Variants in ATP6V1C2 observed in about 807,000 individuals in gnomAD.
ATP6V1C2 encodes V-type proton ATPase subunit C 2.
Under a neutral mutation model 56.8 loss-of-function variants are expected in ATP6V1C2, and 45 were observed. That is an observed-to-expected ratio of 0.79 (90% CI 0.62 to 1.02). The LOEUF is 1.02. Among genes scored for constraint, ATP6V1C2 ranks in the 50% least tolerant of loss-of-function variants. ATP6V1C2 has a pLI of 0.00. For missense variants in ATP6V1C2, 463 were observed against 519.7 expected (o/e 0.89, Z 1.06); for synonymous variants, 220 against 201.3 (o/e 1.09, Z -0.79).
chr2:10,772,486 G>A, intron 7 of ATP6V1C2, 56 bp from the exon 8 acceptor site: 2 of 1,463,018 alleles, frequency 1.4e-6, no homozygotes, highest in Non-Finnish European at 1.9e-6. Flanking sequence ...TAGGCACTCA[G>A]GACACCCACG....
At chr2:10,735,465 G>T (rs910494151) in intron 3 of ATP6V1C2, among the ~76,000 whole-genome samples, 3 of 152,092 alleles carry the variant, frequency 2.0e-5, no homozygotes, top group African/African-American at 7.2e-5. Context: ...GAACTGCCAC[G>T]CCCAGCCTTA....
At chr2:10,740,461 C>A (rs567259603) in intron 3 of ATP6V1C2, among the ~76,000 whole-genome samples, 1 of 152,094 alleles carries the variant, frequency 6.6e-6, no homozygotes, top group African/African-American at 2.4e-5. Context: ...AACTCTGCTC[C>A]GAGAGCATGA....
intron 3 of ATP6V1C2, among the ~76,000 whole-genome samples, chr2:10,742,003 G>A (rs920552938): frequency 1.3e-5 from 2 of 151,838 alleles, no homozygotes; most frequent in Non-Finnish European, 1.5e-5. Context: ...CTCGCTTCCC[G>A]GGCTCAAGTG....
At chr2:10,722,040 C>G (rs1043105207) in intron 1 of ATP6V1C2, among the ~76,000 whole-genome samples, 1 of 152,214 alleles carries the variant, frequency 6.6e-6, no homozygotes. Flanking sequence ...CCAGGGGTCT[C>G]TGGCTCCTCA....
At chr2:10,770,869 C>T (rs112183993) in intron 6 of ATP6V1C2, among the ~76,000 whole-genome samples, 2,254 of 152,336 alleles carry the variant, frequency 0.015, 56 homozygotes, top group African/African-American at 0.052. Flanking sequence ...AGATATAAAG[C>T]AGAATACAAT....
chr2:10,778,658 G>C lies in ATP6V1C2; in HGVS notation c.1050G>C (p.Glu350Asp), dbSNP rs773072386. The C allele has an allele frequency of 6.2e-7, 1 of 1,614,172 alleles. No individual in the cohort carries two copies. Among genetic ancestry groups the C allele is most frequent in the Admixed American group, 1.7e-5 (1 of 60,028 alleles). ...IHIKALRVFV[E>D]SVLRYGLPVN... is the part of the protein sequence containing the mutation. ...TCAAGGCCCTGAGAGTGTTTGTGGAGTCCGTGCTCAGGTGCGTGGCAGTGA... is the reference window on the plus strand; with the variant it reads ...TCAAGGCCCTGAGAGTGTTTGTGGACTCCGTGCTCAGGTGCGTGGCAGTGA... The change falls in exon 12 of 14, where the codon GAG becomes GAC. Residue 350 changes from glutamate (E) to aspartate (D), a missense_variant. Physicochemically the swap from Glu to Asp is conservative, Grantham distance 45 (BLOSUM62 2). Transcript: ENST00000272238.
At chr2:10,750,844 C>T (rs999189413) in intron 3 of ATP6V1C2, among the ~76,000 whole-genome samples, 9 of 152,192 alleles carry the variant, frequency 5.9e-5, no homozygotes, top group Middle Eastern at 3.4e-3. Flanking sequence ...ATAGGAGCTC[C>T]GAAAGAGCAG....
At chr2:10,724,430 T>C (rs1007672596) in intron 2 of ATP6V1C2, among the ~76,000 whole-genome samples, 2 of 152,096 alleles carry the variant, frequency 1.3e-5, no homozygotes, top group African/African-American at 4.8e-5. Flanking sequence ...AGCAGTGGGT[T>C]CTGAAACCAC....
At position 10,783,303 on chromosome 2, in the gene ATP6V1C2, T is replaced by G. The variant is rs187160036; in HGVS notation, c.*40T>G. 5.1e-4 allele frequency: 674 copies of G among 1,329,624 alleles called. 1 individual carries two copies. The African/African-American group carries it at 8.4e-3, about 17-fold the overall frequency. 82.4% of individuals were successfully genotyped at this position (1,329,624 alleles called of 1,614,324 possible). Reference sequence around the variant, plus strand: ...ACCTCTGTCTCATGTTCGTGCAGATTATTACAGACACCTCTTTCCTTTAGC... The same window carrying G: ...ACCTCTGTCTCATGTTCGTGCAGATGATTACAGACACCTCTTTCCTTTAGC... On this transcript the variant is annotated 3_prime_UTR_variant, in exon 14 of 14. Coordinates refer to ENST00000272238, the MANE Select transcript of ATP6V1C2 (RefSeq NM_001039362.2).
intron 4 of ATP6V1C2, among the ~76,000 whole-genome samples, chr2:10,755,370 T>TG (rs1663492782): frequency 6.6e-6 from 1 of 152,036 alleles, no homozygotes; most frequent in Admixed American, 6.5e-5. Flanking sequence ...TTTGTAGAGA[T>TG]GGGGTCTCGC....
intron 3 of ATP6V1C2, among the ~76,000 whole-genome samples, chr2:10,751,375 C>T (rs2148454151): frequency 6.6e-6 from 1 of 152,214 alleles, no homozygotes; most frequent in Admixed American, 6.5e-5. Flanking sequence ...GCACCAAACT[C>T]CATGAAGAAT....
intron 4 of ATP6V1C2, chr2:10,757,412 CTTA>C (rs35539220): frequency 0.2 from 81,420 of 398,320 alleles, 9,073 homozygotes; most frequent in East Asian, 0.35. Context: ...ATAACTCCAC[CTTA>C]TTATATTGCA....
chr2:10,726,550 C>T lies in ATP6V1C2; in HGVS notation c.178C>T (p.Leu60Phe), dbSNP rs201965618. Residue 60 changes from leucine to phenylalanine, a missense_variant, in exon 3 of 14, where the codon CTC becomes TTC. Physicochemically the swap from Leu to Phe is conservative, Grantham distance 22. Transcript: ENST00000272238. ...LVGLSDELGK[L>F]DTFAESLIRR... ...TGGCCTCTCTGATGAGTTGGGGAAA[C>T]TCGACACCTTTGCTGAAAGGTAAAA... 73 of 1,613,920 alleles carry T rather than the reference C, an allele frequency of 4.5e-5. No individual in the cohort carries two copies. Among genetic ancestry groups the T allele is most frequent in the East Asian group, 2.2e-5 (1 of 44,888 alleles).
chr2:10,739,956 G>T (rs553171700), intron 3 of ATP6V1C2, among the ~76,000 whole-genome samples: 2 of 71,020 alleles, frequency 2.8e-5, no homozygotes, highest in South Asian at 1.0e-3. Flanking sequence ...AAAAAAATTC[G>T]CTGGGCTTGG....
At chr2:10,773,860 G>A (rs1388291433) in intron 8 of ATP6V1C2, among the ~76,000 whole-genome samples, 2 of 152,234 alleles carry the variant, frequency 1.3e-5, no homozygotes, top group Non-Finnish European at 2.9e-5. Flanking sequence ...CCAGGGCTAC[G>A]AGATGGCAAT....
intron 3 of ATP6V1C2, among the ~76,000 whole-genome samples, chr2:10,746,298 C>A (rs948441785): frequency 6.6e-6 from 1 of 152,040 alleles, no homozygotes; most frequent in Non-Finnish European, 1.5e-5. Context: ...CTGAGCCCAG[C>A]CTTGGCTATT....
intron 4 of ATP6V1C2, among the ~76,000 whole-genome samples, chr2:10,757,805 C>T (rs967874278): frequency 1.3e-5 from 2 of 152,192 alleles, no homozygotes; most frequent in Non-Finnish European, 2.9e-5. Flanking sequence ...GCTCTTTGAG[C>T]CCGTCTGTTT....
At chr2:10,782,829 CAAAAAAAAAAAAAAAAA>C (rs60533807) in intron 13 of ATP6V1C2, among the ~76,000 whole-genome samples, 9 of 52,202 alleles carry the variant, frequency 1.7e-4, no homozygotes, top group Admixed American at 3.4e-4. Context: ...GACTCTGTCT[CAAAAAAAAAAAAAAAAA>C]AAAAAAAAAA....
intron 3 of ATP6V1C2, among the ~76,000 whole-genome samples, chr2:10,727,051 T>TCCCTCCCTC (rs1558383923): frequency 1.7e-4 from 2 of 12,006 alleles, no homozygotes; most frequent in African/African-American, 3.3e-4. Flanking sequence ...CTTCCTTCCT[T>TCCCTCCCTC]CCTCCCTCCC....
Sources: gnomAD v4.1 joint callset for allele counts (sites outside exome capture counted in the v4.1 genomes callset) on GRCh38, gnomAD v4.1.1 for gene constraint, MANE v1.5 for transcripts, NCBI Gene and HGNC (gene_info 2026-07-23, HGNC 2026-07-21) for gene names.